COL22A1: variants seen among roughly 807,000 people sequenced by gnomAD.
COL22A1 encodes the protein collagen alpha-1(XXII) chain.
A neutral mutation model predicts 248.9 loss-of-function variants in COL22A1; 221 were observed. The ratio of observed to expected loss-of-function variants is 0.89; its 90% CI spans 0.80 to 0.99. The LOEUF is 0.99. Among genes scored for constraint, COL22A1 ranks in the 50% least tolerant of loss-of-function variants. COL22A1 has a pLI of 0.00. For synonymous variants in COL22A1, 891 were observed against 793.4 expected (o/e 1.12, Z -2.07); for missense variants, 2,240 against 2,179.0 (o/e 1.03, Z -0.56).
At chr8:138,628,668 T>C (rs1820453831) in intron 50 of COL22A1, among the ~76,000 whole-genome samples, 1 of 152,098 alleles carries the variant, frequency 6.6e-6, no homozygotes, top group African/African-American at 2.4e-5. Context: ...AGTGCTACCA[T>C]AGCTTGAGGA....
intron 16 of COL22A1, among the ~76,000 whole-genome samples, chr8:138,770,965 T>C (rs1020583296): frequency 1.3e-5 from 2 of 152,226 alleles, no homozygotes; most frequent in African/African-American, 4.8e-5. Flanking sequence ...TATTAACTCA[T>C]GGAATCCTCA....
chr8:138,724,569 T>G, intron 25 of COL22A1, 46 bp downstream of exon 25: 2 of 1,580,276 alleles, frequency 1.3e-6, no homozygotes, highest in Non-Finnish European at 8.7e-7. Context: ...CCCAGAGCAA[T>G]GGGGAGAGGG....
intron 9 of COL22A1, among the ~76,000 whole-genome samples, chr8:138,809,414 T>C (rs1817992917): frequency 1.3e-5 from 2 of 152,216 alleles, no homozygotes; most frequent in South Asian, 2.1e-4. Flanking sequence ...GAAGGAGTGA[T>C]TAAGTCATTA....
chr8:138,606,976 A>G (rs1818476169), intron 57 of COL22A1, among the ~76,000 whole-genome samples: 1 of 152,142 alleles, frequency 6.6e-6, no homozygotes, highest in Non-Finnish European at 1.5e-5. Flanking sequence ...CTGTCTCACA[A>G]GCAGCAACAG....
rs556997473 is a variant in COL22A1 at position 138,595,770 on chromosome 8, C to T, written c.4432+1134G>A. On this transcript the variant is annotated intron_variant, in intron 62 of 64. Coordinates refer to ENST00000303045, the MANE Select transcript of COL22A1 (RefSeq NM_152888.3). Reference sequence around the variant, plus strand: ...GCACAGACTCTCGCAATGGGAGGTGCAAGATAACTGAGACATGATCATGTG... The same window carrying T: ...GCACAGACTCTCGCAATGGGAGGTGTAAGATAACTGAGACATGATCATGTG... Among the ~76,000 whole-genome samples, 4 of 152,244 alleles carry T rather than the reference C, an allele frequency of 2.6e-5. No individual in the cohort carries two copies. In the South Asian group the frequency reaches 6.2e-4, roughly 24 times the overall value.
chr8:138,844,006 T>A, intron 4 of COL22A1, 78 bp downstream of exon 4: 1 of 1,303,122 alleles, frequency 7.7e-7, no homozygotes, highest in South Asian at 1.2e-5. Context: ...AGGCCACCCC[T>A]GAATTGACTA....
chr8:138,620,941 GCATC>G (rs754305152), intron 52 of COL22A1, among the ~76,000 whole-genome samples: 10,721 of 126,558 alleles, frequency 0.085, 617 homozygotes, highest in East Asian at 0.16. Context: ...AACCAACCAA[GCATC>G]CATCCATCCA....
At chr8:138,880,304 T>A (rs995914090) in intron 2 of COL22A1, among the ~76,000 whole-genome samples, 2 of 152,230 alleles carry the variant, frequency 1.3e-5, no homozygotes, top group Non-Finnish European at 2.9e-5. Context: ...TATAAAATGA[T>A]ATGTATAACA....
At chr8:138,790,312 G>A (rs1481416008) in intron 12 of COL22A1, among the ~76,000 whole-genome samples, 1 of 152,078 alleles carries the variant, frequency 6.6e-6, no homozygotes, top group Non-Finnish European at 1.5e-5. Flanking sequence ...ATTCATAAAG[G>A]CTCCACCCTC....
intron 12 of COL22A1, among the ~76,000 whole-genome samples, chr8:138,796,413 T>G (rs982588345): frequency 2.8e-5 from 4 of 144,580 alleles, no homozygotes; most frequent in Admixed American, 6.8e-5. Context: ...TTTTTTTTTT[T>G]TTTTTGGTTT....
chr8:138,902,896 G>T (rs1814723549), intron 1 of COL22A1, among the ~76,000 whole-genome samples: 1 of 151,804 alleles, frequency 6.6e-6, no homozygotes, highest in African/African-American at 2.4e-5. Flanking sequence ...AACGCGGTTG[G>T]TCTCAGGGAT....
chr8:138,778,379 C>T lies in COL22A1; in HGVS notation c.1732G>A (p.Gly578Arg), dbSNP rs776592364. ...RGPQGPPGLP[G>R]PPGRVGAPGL... ...GGAGCTCCGACACGTCCAGGAGGTC[C>T]GGGGAGTCCAGGTGGTCCTTGGGGC... Residue 578 changes from glycine to arginine, a missense_variant, in exon 15 of 65, where the codon GGA becomes AGA. Transcript: ENST00000303045. The T allele has an allele frequency of 6.8e-6, 11 of 1,611,600 alleles. No individual in the cohort carries two copies. Among genetic ancestry groups the T allele is most frequent in the South Asian group, 6.6e-5 (6 of 90,520 alleles).
intron 42 of COL22A1, among the ~76,000 whole-genome samples, chr8:138,662,875 G>C (rs1322752515): frequency 2.6e-5 from 4 of 152,156 alleles, no homozygotes; most frequent in Admixed American, 6.5e-5. Flanking sequence ...CCTGTGCTGG[G>C]CATGGTGGCT....
At chr8:138,727,779 T>C (rs1830430104) in intron 23 of COL22A1, among the ~76,000 whole-genome samples, 1 of 152,134 alleles carries the variant, frequency 6.6e-6, no homozygotes, top group African/African-American at 2.4e-5. Flanking sequence ...TGTTCACAGC[T>C]GGAGCAACGG....
chr8:138,653,428 C>A (rs1449441089), intron 45 of COL22A1, among the ~76,000 whole-genome samples: 2 of 152,212 alleles, frequency 1.3e-5, no homozygotes, highest in African/African-American at 4.8e-5. Context: ...GGGTTTGAGT[C>A]TTGGTTCTAC....
At chr8:138,720,621 C>T in intron 27 of COL22A1, 118 bp downstream of exon 27, 5 of 838,476 alleles carry the variant, frequency 6.0e-6, no homozygotes, top group Non-Finnish European at 8.2e-6. Flanking sequence ...TGATGTGTCT[C>T]CTGCCAGGTC....
intron 9 of COL22A1, among the ~76,000 whole-genome samples, chr8:138,811,268 T>TACACACAC (rs200757539): frequency 3.5e-4 from 39 of 111,732 alleles, no homozygotes; most frequent in Admixed American, 2.1e-3. Context: ...TACATATATA[T>TACACACAC]ATATACACAC....
chr8:138,684,815 T>G (rs899358736), intron 38 of COL22A1, among the ~76,000 whole-genome samples: 9 of 152,166 alleles, frequency 5.9e-5, no homozygotes, highest in Admixed American at 3.9e-4. Context: ...CTGAAGGGCT[T>G]TGGCACTCAC....
intron 40 of COL22A1, among the ~76,000 whole-genome samples, chr8:138,677,495 A>G (rs946878402): frequency 3.1e-5 from 3 of 96,398 alleles, no homozygotes; most frequent in Non-Finnish European, 6.3e-5. Context: ...CCTGGAGAAC[A>G]TGGCCAAGGC....
Sources: gnomAD v4.1 joint callset for allele counts (sites outside exome capture counted in the v4.1 genomes callset) on GRCh38, gnomAD v4.1.1 for gene constraint, MANE v1.5 for transcripts, NCBI Gene and HGNC (gene_info 2026-07-23, HGNC 2026-07-21) for gene names.